The following CHN2 variants were observed in gnomAD, a reference collection of about 807,000 sequenced individuals.
CHN2 encodes the protein beta-chimaerin.
In CHN2, 35 loss-of-function variants were observed where a neutral mutation model predicts 56.3. The ratio of observed to expected loss-of-function variants is 0.62; its 90% confidence interval spans 0.47 to 0.82. CHN2 has a LOEUF of 0.82. CHN2 is among the 40% of genes least tolerant of loss of function. The pLI, the probability that CHN2 is intolerant of heterozygous loss-of-function variation, is 0.00. For missense variants in CHN2, 491 were observed against 580.5 expected (o/e 0.85, Z 1.58); for synonymous variants, 210 against 212.8 (o/e 0.99, Z 0.12).
At chr7:29,367,839 G>T in intron 2 of CHN2, 93 bp from the exon 3 acceptor site, 1 of 999,440 alleles carries the variant, frequency 1.0e-6, no homozygotes. Context: ...TCCTTGAGAT[G>T]TACTTAGGTG....
rs1389403282 is a variant in CHN2 at position 29,329,529 on chromosome 7, G to A, written c.50-25096G>A. On this transcript the variant is annotated intron_variant, in intron 1 of 12. Coordinates refer to ENST00000222792, the MANE Select transcript of CHN2 (RefSeq NM_004067.4). Reference sequence around the variant, plus strand: ...ATCAGATGTAAATTATTTGTTTGCAGCATTTCTGAAATTGCTGTAAGAAGA... The same window carrying A: ...ATCAGATGTAAATTATTTGTTTGCAACATTTCTGAAATTGCTGTAAGAAGA... Among the ~76,000 whole-genome samples, 4 of 152,000 alleles carry A rather than the reference G, an allele frequency of 2.6e-5. No homozygotes were observed. In the East Asian group the frequency reaches 5.8e-4, roughly 22 times the overall value.
At chr7:29,501,671 G>C (rs1198631182) in intron 9 of CHN2, among the ~76,000 whole-genome samples, 1 of 152,136 alleles carries the variant, frequency 6.6e-6, no homozygotes, top group Non-Finnish European at 1.5e-5. Flanking sequence ...GCCCCAGACA[G>C]GTATTAGGGG....
At chr7:29,417,684 T>C (rs1803913982) in intron 6 of CHN2, among the ~76,000 whole-genome samples, 1 of 152,192 alleles carries the variant, frequency 6.6e-6, no homozygotes, top group African/African-American at 2.4e-5. Context: ...ATCTATTTAA[T>C]ACGAAGGTAT....
At chr7:29,184,158 TA>T (rs1798414996) in intron 2 of CHN2, among the ~76,000 whole-genome samples, 1 of 111,334 alleles carries the variant, frequency 9.0e-6, no homozygotes, top group African/African-American at 3.6e-5. Flanking sequence ...AGATGATAGA[TA>T]GATAGATAGA....
intron 6 of CHN2, among the ~76,000 whole-genome samples, chr7:29,440,589 G>A (rs766821130): frequency 1.3e-5 from 2 of 149,516 alleles, no homozygotes; most frequent in East Asian, 2.0e-4. Flanking sequence ...TACTTGGGAC[G>A]CAGGAGAATC....
chr7:29,181,934 C>G (rs1798107359), intron 2 of CHN2, among the ~76,000 whole-genome samples: 1 of 152,100 alleles, frequency 6.6e-6, no homozygotes, highest in African/African-American at 2.4e-5. Flanking sequence ...TTTTACTTAT[C>G]TCTTTTTTGC....
chr7:29,504,967 T>A, intron 10 of CHN2, 146 bp downstream of exon 10: 1 of 602,296 alleles, frequency 1.7e-6, no homozygotes, highest in Non-Finnish European at 2.9e-6. Context: ...ACAAATCTCA[T>A]GTTTCTGCCT....
At chr7:29,216,028 C>T (rs1785310447) in intron 1 of CHN2, among the ~76,000 whole-genome samples, 1 of 152,102 alleles carries the variant, frequency 6.6e-6, no homozygotes, top group African/African-American at 2.4e-5. Flanking sequence ...GACTGGCAAG[C>T]TGTCGAGTAG....
At chr7:29,269,514 T>C (rs1279729946) in intron 1 of CHN2, among the ~76,000 whole-genome samples, 1 of 152,200 alleles carries the variant, frequency 6.6e-6, no homozygotes, top group African/African-American at 2.4e-5. Context: ...AATGAACTTG[T>C]TAGTGCAGAT....
intron 1 of CHN2, among the ~76,000 whole-genome samples, chr7:29,214,984 G>A (rs912343128): frequency 6.6e-6 from 1 of 152,080 alleles, no homozygotes; most frequent in South Asian, 2.1e-4. Flanking sequence ...AGGAAGGGAG[G>A]GGCCCTTGGG....
chr7:29,152,876 C>T (rs1255575872), intron 2 of CHN2, among the ~76,000 whole-genome samples: 1 of 152,192 alleles, frequency 6.6e-6, no homozygotes, highest in African/African-American at 2.4e-5. Context: ...CCTCCATGGT[C>T]TGAATAACAA....
chr7:29,503,972 C>CT (rs776657013), intron 9 of CHN2, among the ~76,000 whole-genome samples: 3 of 152,140 alleles, frequency 2.0e-5, no homozygotes, highest in Admixed American at 6.5e-5. Context: ...GAAACCATGT[C>CT]TTTTTTTCTT....
At chr7:29,317,723 T>C (rs1159221398) in intron 1 of CHN2, among the ~76,000 whole-genome samples, 1 of 152,110 alleles carries the variant, frequency 6.6e-6, no homozygotes, top group African/African-American at 2.4e-5. Flanking sequence ...AGGGAACATA[T>C]AATTGAAGTG....
intron 1 of CHN2, among the ~76,000 whole-genome samples, chr7:29,285,567 A>G (rs1035620180): frequency 6.6e-6 from 1 of 152,204 alleles, no homozygotes; most frequent in African/African-American, 2.4e-5. Context: ...CTTTTTCGCA[A>G]CCACAATGCA....
Position 29,194,866 on chromosome 7 carries a change from G to A in CHN2, c.-76G>A. The A allele has an allele frequency of 7.6e-7, 1 of 1,308,778 alleles. No homozygotes were observed. Among genetic ancestry groups the A allele is most frequent in the Non-Finnish European group, 9.8e-7 (1 of 1,020,198 alleles). The allele number at this position is 1,308,778 out of a possible 1,614,324, so 81.1% of individuals were successfully genotyped here. A position where few individuals can be genotyped will look rare whatever the true frequency, so the allele number is the denominator to read the frequency against. On this transcript the variant is annotated 5_prime_UTR_variant, in exon 1 of 13. Transcript: ENST00000222792. ...ATGGGCTGGGGGCCGCGGAGGCTGC[G>A]AGCGGCCGGGCGAGGGCAGCGGCGG...
chr7:29,436,245 G>A (rs1402844038), intron 6 of CHN2, among the ~76,000 whole-genome samples: 1 of 152,130 alleles, frequency 6.6e-6, no homozygotes, highest in Non-Finnish European at 1.5e-5. Context: ...GGGATGCTGG[G>A]CTGCTGATCC....
chr7:29,379,362 T>C (rs1800317544), intron 3 of CHN2, among the ~76,000 whole-genome samples: 2 of 152,228 alleles, frequency 1.3e-5, no homozygotes, highest in African/African-American at 4.8e-5. Context: ...CATCTGAACA[T>C]GGAAGCTAAA....
At chr7:29,363,489 A>G (rs1029202435) in intron 2 of CHN2, among the ~76,000 whole-genome samples, 2 of 151,948 alleles carry the variant, frequency 1.3e-5, no homozygotes, top group African/African-American at 4.8e-5. Flanking sequence ...CATCTCAAAC[A>G]CCACCACCAC....
intron 1 of CHN2, among the ~76,000 whole-genome samples, chr7:29,243,824 TAA>T (rs528032962): frequency 2.6e-5 from 4 of 152,328 alleles, no homozygotes; most frequent in South Asian, 4.1e-4. Flanking sequence ...GTAATTTAAA[TAA>T]GTCTGAAATT....
Sources: gnomAD v4.1 joint callset for allele counts (sites outside exome capture counted in the v4.1 genomes callset) on GRCh38, gnomAD v4.1.1 for gene constraint, MANE v1.5 for transcripts, NCBI Gene and HGNC (gene_info 2026-07-23, HGNC 2026-07-21) for gene names.